The following PCDHA4 variants were observed in gnomAD, a reference collection of about 807,000 sequenced individuals.
PCDHA4 encodes the protein protocadherin alpha 4.
PCDHA4 carries 49 observed loss-of-function variants against 61.4 expected under a neutral mutation model. That is an observed-to-expected ratio of 0.80 (90% CI 0.63 to 1.01). The LOEUF (loss-of-function observed/expected upper bound fraction) is 1.01. Among genes scored for constraint, PCDHA4 ranks in the 50% least tolerant of loss-of-function variants. The probability of loss-of-function intolerance (pLI) is 0.00; values close to 1 mark genes in which losing one functional copy is unlikely to be tolerated. For synonymous variants in PCDHA4, 590 were observed against 550.3 expected (o/e 1.07, Z -1.01); for missense variants, 1,254 against 1,235.8 (o/e 1.01, Z -0.22).
intron 1 of PCDHA4, among the ~76,000 whole-genome samples, chr5:140,888,469 T>C (rs892080299): frequency 2.0e-5 from 3 of 152,230 alleles, no homozygotes; most frequent in South Asian, 4.1e-4. Flanking sequence ...AAAATGTCAG[T>C]AGTTCCACTG....
At chr5:140,886,257 T>C (rs1391638514) in intron 1 of PCDHA4, among the ~76,000 whole-genome samples, 38 of 152,026 alleles carry the variant, frequency 2.5e-4, no homozygotes, top group Admixed American at 2.5e-3. Context: ...AGTATCTCTA[T>C]TTATAGATAA....
chr5:140,899,654 G>C (rs1429177993), intron 1 of PCDHA4, among the ~76,000 whole-genome samples: 1 of 152,158 alleles, frequency 6.6e-6, no homozygotes, highest in African/African-American at 2.4e-5. Context: ...ATTTGGTTGT[G>C]TCTCTGCCCG....
intron 1 of PCDHA4, chr5:140,836,516 G>C: frequency 6.2e-7 from 1 of 1,613,880 alleles, no homozygotes; most frequent in Non-Finnish European, 8.5e-7. Flanking sequence ...CCAGTCTGTT[G>C]GTGCTTACCC....
chr5:140,901,549 A>T (rs1554189886), intron 1 of PCDHA4, among the ~76,000 whole-genome samples: 1 of 152,052 alleles, frequency 6.6e-6, no homozygotes, highest in Non-Finnish European at 1.5e-5. Context: ...ATTCTGTTCC[A>T]TTCATCTATG....
In PCDHA4 at chr5:140,852,553, G is replaced by A. The variant is rs1414701990; in HGVS notation, c.2385+42981G>A. On this transcript the variant is annotated intron_variant, in intron 1 of 3. Coordinates refer to ENST00000530339, the MANE Select transcript of PCDHA4 (RefSeq NM_018907.4). ...GGCCTCCCAAAGTGCTGGGATTAAA[G>A]CTGTGAGCCACTGTGCCAAGGCTTT... is the stretch of plus-strand genomic sequence containing the variant. 2.0e-5 allele frequency: 13 copies of A among 647,952 alleles called. 1 individual carries two copies. The highest frequency in any genetic ancestry group is 2.2e-5 in the Non-Finnish European group (11 of 508,652). The allele number at this position is 647,952 out of a possible 1,614,324, so 40.1% of individuals were successfully genotyped here.
chr5:140,838,074 TATAGTGTGTGTGTGTGTGTG>T (rs1775436648), intron 1 of PCDHA4, among the ~76,000 whole-genome samples: 2 of 120,528 alleles, frequency 1.7e-5, no homozygotes. Context: ...GTTATATATA[TATAGTGTGTGTGTGTGTGTG>T]TGTGTGTGTG....
chr5:140,869,719 C>T, intron 1 of PCDHA4: 1 of 1,613,314 alleles, frequency 6.2e-7, no homozygotes, highest in Admixed American at 1.7e-5. Flanking sequence ...AGAGAAAACT[C>T]CGGAACTTAA....
intron 1 of PCDHA4, among the ~76,000 whole-genome samples, chr5:140,978,099 C>T (rs547323907): frequency 1.1e-4 from 17 of 152,292 alleles, no homozygotes; most frequent in African/African-American, 3.6e-4. Flanking sequence ...ACATAACTCC[C>T]CCAACAGTCT....
At chr5:140,872,800 C>T (rs2053907687) in intron 1 of PCDHA4, among the ~76,000 whole-genome samples, 2 of 152,078 alleles carry the variant, frequency 1.3e-5, no homozygotes, top group African/African-American at 4.8e-5. Context: ...TGGCATTCTT[C>T]CATAAGTTTT....
intron 3 of PCDHA4, among the ~76,000 whole-genome samples, chr5:140,998,912 C>T (rs1256504660): frequency 6.6e-6 from 1 of 152,182 alleles, no homozygotes; most frequent in Admixed American, 6.6e-5. Context: ...CGGGAGGTAG[C>T]TATTATATCC....
In PCDHA4 at chr5:141,012,312, C is replaced by CTGT; in HGVS notation, c.*2377_*2379dup. On this transcript the variant is annotated 3_prime_UTR_variant, in exon 4 of 4. Transcript: ENST00000530339. ...TGAATTGGTGCTATTGGTATTTCCT[C>CTGT]TGTTATTGCTAATAAATGAAAATGG... The CTGT allele has an allele frequency of 6.5e-6, 1 of 153,698 alleles. No individual in the cohort carries two copies. Among genetic ancestry groups the CTGT allele is most frequent in the Middle Eastern group, 3.2e-3 (1 of 316 alleles). 9.5% of individuals were successfully genotyped at this position (153,698 alleles called of 1,614,324 possible).
chr5:140,981,459 A>C (rs1267670163), intron 2 of PCDHA4, among the ~76,000 whole-genome samples: 1 of 152,176 alleles, frequency 6.6e-6, no homozygotes, highest in Non-Finnish European at 1.5e-5. Context: ...CTGTAGTCCC[A>C]GCTACTTGGG....
At chr5:140,967,029 G>C (rs1554229079) in intron 1 of PCDHA4, 4 of 1,608,938 alleles carry the variant, frequency 2.5e-6, no homozygotes, top group East Asian at 2.2e-5. Flanking sequence ...CCCAGTCCGC[G>C]CTACCTGGAG....
intron 1 of PCDHA4, chr5:140,856,914 G>A (rs1554149290): frequency 1.3e-6 from 2 of 1,596,230 alleles, no homozygotes; most frequent in East Asian, 4.5e-5. Flanking sequence ...CCCACGATAA[G>A]AAGGAAATTT....
Position 140,845,842 on chromosome 5 carries a change from G to T in PCDHA4, c.2385+36270G>T, listed in dbSNP as rs2150381678. Among the ~76,000 whole-genome samples the T allele has an allele frequency of 1.3e-5, 2 of 149,848 alleles. 1 individual carries two copies. The highest frequency in any genetic ancestry group is 6.9e-3 in the Middle Eastern group (2 of 290). On this transcript the variant is annotated intron_variant, in intron 1 of 3. Transcript: ENST00000530339. ...AATTTAGTTATTACCATTCTTAAGA[G>T]AAAAGAAGTTAGTGATTGCAGAAAG...
chr5:140,893,817 C>T (rs951661016), intron 1 of PCDHA4, among the ~76,000 whole-genome samples: 73 of 152,098 alleles, frequency 4.8e-4, no homozygotes, highest in African/African-American at 1.7e-3. Context: ...AGTCTGGTAC[C>T]GTAGACTACT....
chr5:140,917,323 G>C (rs1363512198), intron 1 of PCDHA4, among the ~76,000 whole-genome samples: 1 of 147,758 alleles, frequency 6.8e-6, no homozygotes, highest in African/African-American at 2.5e-5. Context: ...TGTTCATGTG[G>C]CGGGGGAGGG....
intron 1 of PCDHA4, chr5:140,877,039 C>A (rs782458785): frequency 6.2e-7 from 1 of 1,612,458 alleles, no homozygotes; most frequent in African/African-American, 1.3e-5. Context: ...GCTGCAGCCG[C>A]TAGACCACGA....
chr5:140,809,720 T>C (rs2150017686), intron 1 of PCDHA4, 148 bp downstream of exon 1: 1 of 919,614 alleles, frequency 1.1e-6, no homozygotes, highest in Non-Finnish European at 1.6e-6. Flanking sequence ...TTTGGAATTA[T>C]AGGACATCAG....
Sources: allele counts gnomAD v4.1 joint callset (sites outside exome capture counted in the v4.1 genomes callset), GRCh38; gene constraint gnomAD v4.1.1; transcripts MANE v1.5; gene names NCBI Gene and HGNC (gene_info 2026-07-23, HGNC 2026-07-21).